NTMT1: variants seen among roughly 807,000 people sequenced by gnomAD.
The protein encoded by NTMT1 is N-terminal RCC1 methyltransferase.
In NTMT1, 8 loss-of-function variants were observed where a neutral mutation model predicts 17.5. The ratio of observed to expected loss-of-function variants is 0.46; its 90% CI spans 0.27 to 0.82. NTMT1 has a LOEUF of 0.82. Ranked by LOEUF, NTMT1 falls within the 40% of genes least tolerant of loss-of-function variation. The pLI, the probability that NTMT1 is intolerant of heterozygous loss-of-function variation, is 0.15. For missense variants in NTMT1, 221 were observed against 303.5 expected, an observed-to-expected ratio of 0.73 and a Z score of 2.02; for synonymous variants, 128 against 126.8, an observed-to-expected ratio of 1.01 and a Z score of -0.06.
chr9:129,630,228 C>G (rs975692799), intron 1 of NTMT1, among the ~76,000 whole-genome samples: 5 of 152,138 alleles, frequency 3.3e-5, no homozygotes, highest in Non-Finnish European at 7.4e-5. Context: ...ATCCCAACAC[C>G]TTGGGAGGCT....
chr9:129,610,580 A>G (rs1477703948), intron 1 of NTMT1, among the ~76,000 whole-genome samples: 1 of 151,806 alleles, frequency 6.6e-6, no homozygotes, highest in Non-Finnish European at 1.5e-5. Flanking sequence ...GGCTGTGCGG[A>G]GCCAGCAGCG....
At chr9:129,631,743 C>T (rs2118954754) in intron 1 of NTMT1, among the ~76,000 whole-genome samples, 1 of 152,328 alleles carries the variant, frequency 6.6e-6, no homozygotes, top group African/African-American at 2.4e-5. Context: ...ACCTACTGCG[C>T]TTATTCTTGC....
At chr9:129,627,946 C>T (rs919549411) in intron 1 of NTMT1, among the ~76,000 whole-genome samples, 2 of 152,184 alleles carry the variant, frequency 1.3e-5, no homozygotes, top group African/African-American at 2.4e-5. Flanking sequence ...GATGCAGTAC[C>T]TTGGGTCTGA....
intron 1 of NTMT1, among the ~76,000 whole-genome samples, chr9:129,610,302 C>CCCA (rs1554772847): frequency 7.0e-6 from 1 of 143,746 alleles, no homozygotes; most frequent in East Asian, 2.1e-4. Context: ...CAGGCCCCGC[C>CCCA]CCCCCCCCAC....
Position 129,613,687 on chromosome 9 carries a change from G to A in NTMT1, c.-55+4509G>A, listed in dbSNP as rs1296897266. 16 of 1,512,146 alleles carry A rather than the reference G, an allele frequency of 1.1e-5. No individual in the cohort carries two copies. Among genetic ancestry groups the A allele is most frequent in the African/African-American group, 2.7e-5 (2 of 72,956 alleles). The allele number at this position is 1,512,146 out of a possible 1,614,324, so 93.7% of individuals were successfully genotyped here. ...TTTCCTCCCTCTGGCAGGCAGGGCCGGTCAGAGCCCTGTCTCCATGGCAAC... is the reference window on the plus strand; with the variant it reads ...TTTCCTCCCTCTGGCAGGCAGGGCCAGTCAGAGCCCTGTCTCCATGGCAAC... On this transcript the variant is annotated intron_variant, in intron 1 of 3. Transcript: ENST00000372486. This position sits in a 1 kb window ranked among gnomAD's most constrained non-coding sequence, Gnocchi z 6.2.
chr9:129,617,012 A>G (rs923836188), intron 1 of NTMT1, among the ~76,000 whole-genome samples: 1 of 152,124 alleles, frequency 6.6e-6, no homozygotes, highest in South Asian at 2.1e-4. Flanking sequence ...GGTTGCAGTG[A>G]GCCGAGATCG....
At position 129,635,361 on chromosome 9, in the gene NTMT1, T is replaced by C. The variant is rs762271965; in HGVS notation, c.569T>C (p.Val190Ala). The C allele has an allele frequency of 6.2e-7, 1 of 1,613,784 alleles. No homozygotes were observed. Among genetic ancestry groups the C allele is most frequent in the Non-Finnish European group, 8.5e-7 (1 of 1,180,008 alleles). ...DSSVCRDLDVVRRIICSAGLS... is the reference protein window; with the variant it reads ...DSSVCRDLDVARRIICSAGLS... ...AGCGTGTGCCGGGACCTTGACGTGG[T>C]CCGCAGGATCATCTGCAGTGCAGGC... The change falls in exon 4 of 4, where the codon GTC (valine) becomes GCC (alanine). Residue 190 changes from valine (V) to alanine (A), a missense_variant. Transcript: ENST00000372483.
intron 1 of NTMT1, chr9:129,615,789 G>C: frequency 1.0e-6 from 1 of 961,120 alleles, no homozygotes; most frequent in Non-Finnish European, 1.4e-6. Context: ...CACAGCAGCC[G>C]GCCTTAACGG....
At chr9:129,611,152 C>G (rs1411600197) in intron 1 of NTMT1, among the ~76,000 whole-genome samples, 2 of 152,228 alleles carry the variant, frequency 1.3e-5, no homozygotes, top group Non-Finnish European at 2.9e-5. Context: ...CCAGCCACCG[C>G]CCAGGCCAGT....
intron 1 of NTMT1, among the ~76,000 whole-genome samples, chr9:129,630,922 T>C (rs1381512996): frequency 1.3e-5 from 2 of 152,242 alleles, no homozygotes; most frequent in Non-Finnish European, 2.9e-5. Flanking sequence ...TCACTCTGCC[T>C]CCTTTAGGTT....
At chr9:129,630,416 G>A (rs1831100403) in intron 1 of NTMT1, among the ~76,000 whole-genome samples, 1 of 152,196 alleles carries the variant, frequency 6.6e-6, no homozygotes, top group South Asian at 2.1e-4. Context: ...TCTGGCGACA[G>A]TGAGACCCTT....
intron 3 of NTMT1, 104 bp downstream of exon 3, chr9:129,634,410 C>T: frequency 7.2e-7 from 1 of 1,386,916 alleles, no homozygotes; most frequent in Non-Finnish European, 9.7e-7. Flanking sequence ...AGCAAGTGGG[C>T]CAGTGAGGAT....
chr9:129,615,440 T>A, intron 1 of NTMT1: 1 of 1,521,416 alleles, frequency 6.6e-7, no homozygotes, highest in Non-Finnish European at 8.8e-7. Flanking sequence ...CCCTCCTGGC[T>A]AGAACTTTCG....
upstream of NTMT1, among the ~76,000 whole-genome samples, chr9:129,624,472 T>C (rs894542478): frequency 2.6e-5 from 4 of 152,174 alleles, no homozygotes; most frequent in Admixed American, 2.6e-4. Context: ...CTAGAGGGTA[T>C]GCCAAATAAG....
intron 1 of NTMT1, among the ~76,000 whole-genome samples, chr9:129,629,384 A>T (rs958383379): frequency 1.7e-5 from 1 of 60,498 alleles, no homozygotes; most frequent in Admixed American, 1.9e-4. Context: ...TGGGAAGAAG[A>T]ATTCATTCTT....
intron 1 of NTMT1, among the ~76,000 whole-genome samples, chr9:129,616,858 G>A (rs962851562): frequency 2.0e-5 from 3 of 152,118 alleles, no homozygotes; most frequent in African/African-American, 4.8e-5. Context: ...AGATCAAAAG[G>A]TCAAGAGATC....
At chr9:129,612,405 C>A in intron 1 of NTMT1, 1 of 1,612,902 alleles carries the variant, frequency 6.2e-7, no homozygotes. Flanking sequence ...CCCCTTAGGG[C>A]AGCCTTGCTT....
intron 1 of NTMT1, among the ~76,000 whole-genome samples, chr9:129,627,142 G>C (rs1830941127): frequency 6.6e-6 from 1 of 152,164 alleles, no homozygotes; most frequent in Admixed American, 6.5e-5. Flanking sequence ...TTTTCTCTAT[G>C]TAAACTGAGG....
chr9:129,615,497 C>T (rs1269451210), intron 1 of NTMT1: 1 of 1,599,218 alleles, frequency 6.3e-7, no homozygotes, highest in South Asian at 1.1e-5. Flanking sequence ...AGCGTCTGCG[C>T]TCCCAGTAGC....
Sources: gnomAD v4.1 joint callset for allele counts (sites outside exome capture counted in the v4.1 genomes callset) on GRCh38, gnomAD v4.1.1 for gene constraint, Gnocchi (gnomAD v3.1) non-coding constraint, MANE v1.5 for transcripts, NCBI Gene and HGNC (gene_info 2026-07-23, HGNC 2026-07-21) for gene names.